Variants in TAOK1 observed in about 807,000 individuals in gnomAD.
TAOK1 encodes serine/threonine-protein kinase TAO1.
Under a neutral mutation model 138.3 loss-of-function variants are expected in TAOK1, and 21 were observed. The ratio of observed to expected loss-of-function variants is 0.15; its 90% CI spans 0.11 to 0.22. The LOEUF (loss-of-function observed/expected upper bound fraction) is 0.22. TAOK1 is among the 10% of genes least tolerant of loss of function. The probability of loss-of-function intolerance (pLI) is 1.00; values close to 1 mark genes in which losing one functional copy is unlikely to be tolerated. For synonymous variants in TAOK1, 361 were observed against 398.4 expected (o/e 0.91, Z 1.12); for missense variants, 651 against 1,227.7 (o/e 0.53, Z 7.02).
intron 18 of TAOK1, among the ~76,000 whole-genome samples, chr17:29,533,355 C>G (rs62066649): frequency 0.38 from 54,757 of 142,866 alleles, 11,292 homozygotes; most frequent in Middle Eastern, 0.48. Context: ...TCACTTTCCA[C>G]ACTGGGCAGC....
rs915014524 is a variant in TAOK1, at chr17:29,549,128, A to G, written c.*6106A>G. On this transcript the variant is annotated 3_prime_UTR_variant, in exon 20 of 20. Transcript: ENST00000261716. ...TTGGGCTCTTTAACTGAATTTTCAA[A>G]TGAAATGAACTATGCTTATTGCTGG... 6.6e-6 allele frequency: 1 copy of G among 152,178 alleles called. No homozygotes were observed. The highest frequency in any genetic ancestry group is 1.5e-5 in the Non-Finnish European group (1 of 68,012). The allele number at this position is 152,178 out of a possible 1,614,324, so 9.4% of individuals were successfully genotyped here.
intron 5 of TAOK1, 29 bp downstream of exon 5, chr17:29,477,735 A>T: frequency 7.7e-7 from 1 of 1,297,154 alleles, no homozygotes; most frequent in Non-Finnish European, 1.0e-6. Flanking sequence ...TTTTTTAAAA[A>T]GTATTCACAG....
In TAOK1 at chr17:29,543,437, C is replaced by A. The variant is rs1240558871; in HGVS notation, c.*415C>A. ...TATCCTAAGAAGTTTCTGAAAAGAT[C>A]TAAAGCCTTTTTATCCCATATCCCA... is the stretch of plus-strand genomic sequence containing the variant. On this transcript the variant is annotated 3_prime_UTR_variant, in exon 20 of 20. Coordinates refer to ENST00000261716, the MANE Select transcript of TAOK1 (RefSeq NM_020791.4). The A allele has an allele frequency of 6.5e-6, 1 of 154,504 alleles. No individual in the cohort carries two copies. The highest frequency in any genetic ancestry group is 2.4e-5 in the African/African-American group (1 of 41,460). The allele number at this position is 154,504 out of a possible 1,614,324, so 9.6% of individuals were successfully genotyped here. A position where few individuals can be genotyped will look rare whatever the true frequency, so the allele number is the denominator to read the frequency against.
chr17:29,398,163 C>T (rs1047932776), intron 1 of TAOK1, among the ~76,000 whole-genome samples: 2 of 152,082 alleles, frequency 1.3e-5, no homozygotes, highest in African/African-American at 4.8e-5. Context: ...GCCACAGTAC[C>T]AGGCCTGTGG....
At position 29,504,169 on chromosome 17, in the gene TAOK1, T is replaced by G. The variant is rs2031582541; in HGVS notation, c.1338+1446T>G. Among the ~76,000 whole-genome samples the G allele has an allele frequency of 2.1e-5, 3 of 143,020 alleles. No individual in the cohort carries two copies. In the South Asian group the frequency reaches 6.6e-4, roughly 31 times the overall value. The allele number at this position is 143,020 out of a possible 152,430, so 93.8% of individuals were successfully genotyped here. On this transcript the variant is annotated intron_variant, in intron 13 of 19. Transcript: ENST00000261716. ...GCATGTGCCTGTAGTCCCATATACTTGGGAGACTGAGTCAGGAGGATTGAC... is the reference window on the plus strand; with the variant it reads ...GCATGTGCCTGTAGTCCCATATACTGGGGAGACTGAGTCAGGAGGATTGAC...
At chr17:29,393,345 C>A (rs74524051) in intron 1 of TAOK1, among the ~76,000 whole-genome samples, 1 of 151,038 alleles carries the variant, frequency 6.6e-6, no homozygotes, top group East Asian at 2.0e-4. Flanking sequence ...TATTTACTTG[C>A]TATATTTCAG....
In TAOK1 at chr17:29,542,561, A is replaced by G. The variant is rs1399421431; in HGVS notation, c.2545A>G (p.Ile849Val). 4 of 1,582,818 alleles carry G rather than the reference A, an allele frequency of 2.5e-6. No individual in the cohort carries two copies. In the Admixed American group the frequency reaches 7.4e-5, roughly 29 times the overall value. ...TCATTTTTCTTCCAATCTCCAACAG[A>G]TTGAAGAAGAGATGTTGGCTTTGCA... Reference protein sequence around the residue: ...SLRRALLEQKIEEEMLALQNE... With the variant: ...SLRRALLEQKVEEEMLALQNE... Residue 849 changes from isoleucine (I) to valine (V), a missense_variant and splice_region_variant, in exon 20 of 20, where the codon ATT becomes GTT. By Grantham distance (29) the Ile-to-Val change is conservative. Around this residue, in one of 8 missense-constraint regions of TAOK1, gnomAD observed 258 missense variants for 548.9 expected, o/e 0.47. Transcript: ENST00000261716.
chr17:29,447,659 A>AT (rs1158926971), intron 1 of TAOK1, among the ~76,000 whole-genome samples: 375 of 147,192 alleles, frequency 2.5e-3, no homozygotes, highest in Non-Finnish European at 3.9e-3. Context: ...ATTTTATTTT[A>AT]TTTTTTTTTT....
intron 17 of TAOK1, among the ~76,000 whole-genome samples, chr17:29,530,039 A>G (rs2032077104): frequency 6.6e-6 from 1 of 151,878 alleles, no homozygotes; most frequent in Non-Finnish European, 1.5e-5. Context: ...AAAAAAAAAG[A>G]AAAAGAAAAA....
chr17:29,518,756 C>CTATT (rs58735347), intron 16 of TAOK1, among the ~76,000 whole-genome samples: 2,329 of 125,998 alleles, frequency 0.018, 56 homozygotes, highest in African/African-American at 0.065. Flanking sequence ...TTTACTTTAT[C>CTATT]TATTTATTTA....
At chr17:29,429,339 C>G (rs1227399637) in intron 1 of TAOK1, among the ~76,000 whole-genome samples, 1 of 151,806 alleles carries the variant, frequency 6.6e-6, no homozygotes, top group African/African-American at 2.4e-5. Flanking sequence ...CTGTCCCCCA[C>G]ACTGGGGGAC....
At chr17:29,413,552 C>T (rs763379435) in intron 1 of TAOK1, among the ~76,000 whole-genome samples, 9 of 152,072 alleles carry the variant, frequency 5.9e-5, no homozygotes, top group Non-Finnish European at 1.0e-4. Context: ...GTGGAGATCA[C>T]GCCACTGCAC....
intron 9 of TAOK1, among the ~76,000 whole-genome samples, chr17:29,491,099 T>C (rs1401134798): frequency 6.6e-6 from 1 of 152,162 alleles, no homozygotes; most frequent in Non-Finnish European, 1.5e-5. Flanking sequence ...TTACACTGTG[T>C]TTGAGACTTG....
In TAOK1 at chr17:29,543,213, G is replaced by A. The variant is rs1195878807; in HGVS notation, c.*191G>A. 2.5e-5 allele frequency: 13 copies of A among 521,202 alleles called. No homozygotes were observed. The highest frequency in any genetic ancestry group is 1.7e-4 in the South Asian group (4 of 23,296). 32.3% of individuals were successfully genotyped at this position (521,202 alleles called of 1,614,324 possible). A position where few individuals can be genotyped will look rare whatever the true frequency, so the allele number is the denominator to read the frequency against. ...TGGGATGTCATAGTACTTGGCTGCC[G>A]GGTTTGTTTGTTTTTGGGGAAATTT... On this transcript the variant is annotated 3_prime_UTR_variant, in exon 20 of 20. Coordinates refer to ENST00000261716, the MANE Select transcript of TAOK1 (RefSeq NM_020791.4).
intron 1 of TAOK1, among the ~76,000 whole-genome samples, chr17:29,426,023 T>G (rs528653094): frequency 1.3e-4 from 20 of 152,168 alleles, no homozygotes; most frequent in Admixed American, 4.6e-4. Flanking sequence ...TGGAACTACA[T>G]GCGCCCACCA....
In TAOK1 at chr17:29,472,313, C is replaced by T. The variant is rs1248145741; in HGVS notation, c.205-3357C>T. On this transcript the variant is annotated intron_variant, in intron 3 of 19. Transcript: ENST00000261716. ...TGTCGCCCAGGCTGGAGTGCAATGG[C>T]ATGATCTCGGCTCACTGCAACCTCT... Among the ~76,000 whole-genome samples the T allele has an allele frequency of 2.1e-4, 31 of 148,030 alleles. 1 individual carries two copies. Among genetic ancestry groups the T allele is most frequent in the Non-Finnish European group, 4.4e-4 (30 of 67,602 alleles).
At chr17:29,454,703 G>GT (rs879867863) in intron 2 of TAOK1, among the ~76,000 whole-genome samples, 194 of 146,520 alleles carry the variant, frequency 1.3e-3, no homozygotes, top group South Asian at 2.6e-3. Context: ...TTGTTTTTTT[G>GT]TTTTTTTTTT....
intron 17 of TAOK1, among the ~76,000 whole-genome samples, chr17:29,526,819 TAAAAAAA>T (rs71138830): frequency 2.7e-4 from 14 of 50,952 alleles, no homozygotes; most frequent in Admixed American, 1.1e-3. Context: ...TCTCATCTCT[TAAAAAAA>T]AAAAAAAAAA....
Position 29,549,838 on chromosome 17 carries a change from A to G in TAOK1, c.*6816A>G, listed in dbSNP as rs2032461327. On this transcript the variant is annotated 3_prime_UTR_variant, in exon 20 of 20. Coordinates refer to ENST00000261716, the MANE Select transcript of TAOK1 (RefSeq NM_020791.4). ...CTGCTGTCCTTCTTTGCATTTCACAATATCAAAGAAACCACCACCCTTCTT... is the reference window on the plus strand; with the variant it reads ...CTGCTGTCCTTCTTTGCATTTCACAGTATCAAAGAAACCACCACCCTTCTT... 6.6e-6 allele frequency: 1 copy of G among 152,148 alleles called. No individual in the cohort carries two copies. The highest frequency in any genetic ancestry group is 2.4e-5 in the African/African-American group (1 of 41,434). 9.4% of individuals were successfully genotyped at this position (152,148 alleles called of 1,614,324 possible).
Sources: gnomAD v4.1 joint callset for allele counts (sites outside exome capture counted in the v4.1 genomes callset) on GRCh38, gnomAD v4.1.1 for gene constraint, gnomAD v4.1.1 regional missense constraint, MANE v1.5 for transcripts, NCBI Gene and HGNC (gene_info 2026-07-23, HGNC 2026-07-21) for gene names.